The following LMTK2 variants were observed in gnomAD, a reference collection of about 807,000 sequenced individuals.
LMTK2 encodes lemur tail kinase 2, also known as serine/threonine-protein kinase LMTK2.
A neutral mutation model predicts 127.5 loss-of-function variants in LMTK2; 37 were observed. The observed-to-expected ratio is 0.29, with a 90% CI of 0.22 to 0.38. LMTK2 has a LOEUF of 0.38. Ranked by LOEUF, LMTK2 falls within the 10% of genes least tolerant of loss-of-function variation. The pLI, the probability that LMTK2 is intolerant of heterozygous loss-of-function variation, is 1.00. For synonymous variants in LMTK2, 819 were observed against 810.1 expected, an observed-to-expected ratio of 1.01 and a Z score of -0.19; for missense variants, 1,694 against 1,920.3, an observed-to-expected ratio of 0.88 and a Z score of 2.20.
Position 98,206,705 on chromosome 7 carries a change from G to A in LMTK2, c.*1213G>A, listed in dbSNP as rs1335408198. The A allele has an allele frequency of 6.6e-6, 1 of 152,146 alleles. No homozygotes were observed. The highest frequency in any genetic ancestry group is 2.4e-5 in the African/African-American group (1 of 41,392). 9.4% of individuals were successfully genotyped at this position (152,146 alleles called of 1,614,324 possible). A position where few individuals can be genotyped will look rare whatever the true frequency, so the allele number is the denominator to read the frequency against. On this transcript the variant is annotated 3_prime_UTR_variant, in exon 14 of 14. Coordinates refer to ENST00000297293, the MANE Select transcript of LMTK2 (RefSeq NM_014916.4). ...TGCACACTTCAGGTGGTGGGGACTT[G>A]AGCTTTAAAAAAACCTCCACAGCCG... is the stretch of plus-strand genomic sequence containing the variant.
chr7:98,185,449 C>T (rs1484012037), intron 8 of LMTK2, among the ~76,000 whole-genome samples: 1 of 152,126 alleles, frequency 6.6e-6, no homozygotes, highest in Non-Finnish European at 1.5e-5. Context: ...TTATTATTAC[C>T]TGTTATGATA....
Position 98,171,475 on chromosome 7 carries a change from A to G in LMTK2, c.658-66A>G. The G allele has an allele frequency of 6.2e-7, 1 of 1,601,768 alleles. No individual in the cohort carries two copies. Among genetic ancestry groups the G allele is most frequent in the Non-Finnish European group, 8.6e-7 (1 of 1,168,978 alleles). ...CTTAACAGTTAGTGTTCACCGAGGC[A>G]CGTATTTAAGCGCTCACTTTATTCC... On this transcript the variant is annotated intron_variant, in intron 6 of 13. Coordinates refer to ENST00000297293, the MANE Select transcript of LMTK2 (RefSeq NM_014916.4). The surrounding 1 kb of genome is among the most constrained non-coding windows in gnomAD (Gnocchi z 5.1).
chr7:98,194,409 A>G lies in LMTK2; in HGVS notation c.3944A>G (p.Glu1315Gly), dbSNP rs1562922346. 6.2e-7 allele frequency: 1 copy of G among 1,614,094 alleles called. No homozygotes were observed. The highest frequency in any genetic ancestry group is 2.2e-5 in the East Asian group (1 of 44,872). The change falls in exon 11 of 14, where the codon GAG (glutamate) becomes GGG (glycine). Residue 1315 changes from glutamate to glycine, a missense_variant. Around this residue, in one of 8 missense-constraint regions of LMTK2, gnomAD observed 554 missense variants for 567.7 expected, o/e 0.98. Transcript: ENST00000297293. The surrounding 1 kb of genome is among the most constrained non-coding windows in gnomAD (Gnocchi z 5.4). ...SLSSESEDET[E>G]HPVPIILSNE... The stretch of plus-strand genomic sequence containing the variant: ...AGCTCCGAGTCGGAGGACGAGACCG[A>G]GCACCCCGTGCCCATCATCCTCAGC...
chr7:98,208,935 A>G lies in LMTK2; in HGVS notation c.*3443A>G, dbSNP rs3735254. On this transcript the variant is annotated 3_prime_UTR_variant, in exon 14 of 14. Transcript: ENST00000297293. The stretch of plus-strand genomic sequence containing the variant: ...CCTTTTATTCCTGTTTCCCGAAATA[A>G]GGTATTTGTAGAGTTAAGGACCTAC... The G allele has an allele frequency of 0.059, 8,922 of 152,288 alleles. 663 individuals carry two copies. Among genetic ancestry groups the G allele is most frequent in the East Asian group, 0.36 (1,867 of 5,166 alleles). The allele number at this position is 152,288 out of a possible 1,614,324, so 9.4% of individuals were successfully genotyped here. A position where few individuals can be genotyped will look rare whatever the true frequency, so the allele number is the denominator to read the frequency against.
chr7:98,161,178 A>AT (rs1414313333), intron 6 of LMTK2, among the ~76,000 whole-genome samples: 5 of 151,374 alleles, frequency 3.3e-5, no homozygotes, highest in Non-Finnish European at 5.9e-5. Flanking sequence ...GGGATTCTCA[A>AT]TTTTTTTTGT....
At chr7:98,135,470 C>T (rs1009651913) in intron 1 of LMTK2, among the ~76,000 whole-genome samples, 2 of 152,058 alleles carry the variant, frequency 1.3e-5, no homozygotes, top group South Asian at 2.1e-4. Flanking sequence ...TGTCACCACG[C>T]CCAGCTAACT....
chr7:98,115,538 T>A (rs916696753), intron 1 of LMTK2, among the ~76,000 whole-genome samples: 2 of 151,992 alleles, frequency 1.3e-5, no homozygotes, highest in African/African-American at 4.8e-5. Flanking sequence ...GGCCGGGTGC[T>A]GTGGCTCACA....
chr7:98,114,976 TG>T (rs1235627306), intron 1 of LMTK2, among the ~76,000 whole-genome samples: 1 of 152,184 alleles, frequency 6.6e-6, no homozygotes, highest in African/African-American at 2.4e-5. Flanking sequence ...AGATGTTTCA[TG>T]GGGTGCCAGA....
At chr7:98,128,531 C>G (rs2116343302) in intron 1 of LMTK2, among the ~76,000 whole-genome samples, 1 of 152,350 alleles carries the variant, frequency 6.6e-6, no homozygotes, top group South Asian at 2.1e-4. Flanking sequence ...TTTGTTTTAG[C>G]AGCCCTAGCA....
intron 9 of LMTK2, among the ~76,000 whole-genome samples, chr7:98,187,613 G>C (rs1470843345): frequency 6.6e-6 from 1 of 151,424 alleles, no homozygotes; most frequent in Non-Finnish European, 1.5e-5. Context: ...TGTTGTTGTT[G>C]TTGTTGTTTT....
intron 3 of LMTK2, among the ~76,000 whole-genome samples, chr7:98,151,115 C>T (rs1434074292): frequency 2.6e-5 from 4 of 151,916 alleles, no homozygotes; most frequent in African/African-American, 9.7e-5. Context: ...AGGCCATTGG[C>T]CTGGTGATTG....
In LMTK2 at chr7:98,205,504, C is replaced by A. The variant is rs752005062; in HGVS notation, c.*12C>A. ...GAGAAAAGGACTAGGTGGCTGCCAA[C>A]GCGCACGCTCGGGTCCGAGGCTGCT... On this transcript the variant is annotated 3_prime_UTR_variant, in exon 14 of 14. Coordinates refer to ENST00000297293, the MANE Select transcript of LMTK2 (RefSeq NM_014916.4). The A allele has an allele frequency of 3.5e-5, 56 of 1,612,190 alleles. No individual in the cohort carries two copies. The highest frequency in any genetic ancestry group is 4.6e-5 in the Non-Finnish European group (54 of 1,179,966).
intron 7 of LMTK2, among the ~76,000 whole-genome samples, chr7:98,173,754 C>G (rs1253186822): frequency 2.0e-5 from 3 of 152,084 alleles, no homozygotes; most frequent in Non-Finnish European, 2.9e-5. Context: ...TTCTAAAACT[C>G]AAGTTAAAGA....
chr7:98,194,594 T>G lies in LMTK2; in HGVS notation c.4107+22T>G. On this transcript the variant is annotated intron_variant, in intron 11 of 13. Transcript: ENST00000297293. The surrounding 1 kb of genome is among the most constrained non-coding windows in gnomAD (Gnocchi z 5.4). The stretch of plus-strand genomic sequence containing the variant: ...CCAGGTATCTGTTCCCTCTAAATCA[T>G]TTTCTATACACATCCATATAAGGAT... The G allele has an allele frequency of 6.4e-7, 1 of 1,574,162 alleles. No homozygotes were observed. Among genetic ancestry groups the G allele is most frequent in the Non-Finnish European group, 8.6e-7 (1 of 1,163,718 alleles).
chr7:98,173,242 CCTT>C (rs1200241241), intron 7 of LMTK2, among the ~76,000 whole-genome samples: 4 of 151,972 alleles, frequency 2.6e-5, no homozygotes, highest in Non-Finnish European at 5.9e-5. Flanking sequence ...AAATTATTAA[CCTT>C]CTTCTTACAC....
intron 1 of LMTK2, among the ~76,000 whole-genome samples, chr7:98,137,085 G>A (rs904252314): frequency 6.6e-6 from 1 of 152,138 alleles, no homozygotes; most frequent in African/African-American, 2.4e-5. Flanking sequence ...GTGGAAGCTG[G>A]GTGAAGGCTG....
rs1260880690 is a variant in LMTK2, at chr7:98,207,672, A to G, written c.*2180A>G. On this transcript the variant is annotated 3_prime_UTR_variant, in exon 14 of 14. Transcript: ENST00000297293. ...GTGATTATACTACTTTTTCAATTGC[A>G]GGTTTAAGGAGTTCAGATTTAATGA... The G allele has an allele frequency of 6.6e-6, 1 of 152,110 alleles. No homozygotes were observed. Among genetic ancestry groups the G allele is most frequent in the Non-Finnish European group, 1.5e-5 (1 of 68,014 alleles). The allele number at this position is 152,110 out of a possible 1,614,324, so 9.4% of individuals were successfully genotyped here. A position where few individuals can be genotyped will look rare whatever the true frequency, so the allele number is the denominator to read the frequency against.
chr7:98,154,721 G>T (rs746706126), intron 4 of LMTK2, 37 bp from the exon 5 acceptor site: 54 of 1,327,546 alleles, frequency 4.1e-5, no homozygotes, highest in Non-Finnish European at 5.3e-5. Flanking sequence ...TTATCATTTT[G>T]ATGGAAATGA....
intron 1 of LMTK2, among the ~76,000 whole-genome samples, chr7:98,131,925 T>C (rs1796524901): frequency 6.6e-6 from 1 of 152,172 alleles, no homozygotes; most frequent in African/African-American, 2.4e-5. Context: ...AACCGAGGTC[T>C]TTACATTAGC....
Sources: gnomAD v4.1 joint callset for allele counts (sites outside exome capture counted in the v4.1 genomes callset) on GRCh38, gnomAD v4.1.1 for gene constraint, gnomAD v4.1.1 regional missense constraint, Gnocchi (gnomAD v3.1) non-coding constraint, MANE v1.5 for transcripts, NCBI Gene and HGNC (gene_info 2026-07-23, HGNC 2026-07-21) for gene names.